The following KMT2E variants were observed in gnomAD, a reference collection of about 807,000 sequenced individuals.
KMT2E encodes histone reader KMT2E.
A neutral mutation model predicts 184.6 loss-of-function variants in KMT2E; 30 were observed. The ratio of observed to expected loss-of-function variants is 0.16; its 90% CI spans 0.12 to 0.22. The LOEUF (loss-of-function observed/expected upper bound fraction) is 0.22, where lower values mean the gene tolerates loss of function less well. KMT2E is among the 10% of genes least tolerant of loss of function. KMT2E has a pLI of 1.00. For synonymous variants in KMT2E, 815 were observed against 776.5 expected (o/e 1.05, Z -0.82); for missense variants, 2,023 against 2,237.4 (o/e 0.90, Z 1.93).
chr7:105,109,799 G>A (rs1195913356), intron 23 of KMT2E, among the ~76,000 whole-genome samples: 5 of 151,526 alleles, frequency 3.3e-5, no homozygotes, highest in South Asian at 2.1e-4. Context: ...TTCAAATAAG[G>A]ATAATAATCT....
At chr7:105,071,857 G>A (rs1297665914) in intron 6 of KMT2E, among the ~76,000 whole-genome samples, 1 of 151,662 alleles carries the variant, frequency 6.6e-6, no homozygotes, top group Non-Finnish European at 1.5e-5. Flanking sequence ...GTTTAATTAG[G>A]TGAGAAATGG....
At chr7:105,022,646 A>C (rs1391720212) in intron 1 of KMT2E, among the ~76,000 whole-genome samples, 1 of 152,172 alleles carries the variant, frequency 6.6e-6, no homozygotes, top group Non-Finnish European at 1.5e-5. Flanking sequence ...TTTCCTCTTC[A>C]AGATGTAGCG....
At chr7:105,037,090 TTTAA>T (rs1192832246) in intron 1 of KMT2E, among the ~76,000 whole-genome samples, 2 of 152,230 alleles carry the variant, frequency 1.3e-5, no homozygotes, top group African/African-American at 2.4e-5. Context: ...TTCAAGTTTC[TTTAA>T]TTATTTCCAT....
intron 4 of KMT2E, 58 bp downstream of exon 4, chr7:105,062,336 T>C: frequency 1.8e-6 from 2 of 1,120,450 alleles, no homozygotes; most frequent in Non-Finnish European, 2.7e-6. Flanking sequence ...TGAAAGTAGA[T>C]GCATGTGATA....
chr7:105,032,312 C>T (rs1302782161), intron 1 of KMT2E, among the ~76,000 whole-genome samples: 3 of 152,076 alleles, frequency 2.0e-5, no homozygotes, highest in South Asian at 2.1e-4. Context: ...GGCATGGTGG[C>T]AGACACCTGT....
In KMT2E at chr7:105,062,201, A is replaced by G; in HGVS notation, c.109A>G (p.Lys37Glu). Reference protein sequence around the residue: ...SVEASPVVVEKSNSYPHQLYT... With the variant: ...SVEASPVVVEESNSYPHQLYT... ...AGAAGCTAGCCCTGTGGTAGTTGAG[A>G]AATCCAACAGTTATCCCCACCAGTT... is the stretch of plus-strand genomic sequence containing the variant. Residue 37 changes from lysine (K) to glutamate (E), a missense_variant, in exon 4 of 27, where the codon AAA becomes GAA. By Grantham distance (56) the Lys-to-Glu change is moderately conservative. This residue lies in a region of KMT2E where 63 missense variants were observed against 68.9 expected (regional missense o/e 0.91). Coordinates refer to ENST00000311117, the MANE Select transcript of KMT2E (RefSeq NM_182931.3). 2 of 1,613,652 alleles carry G rather than the reference A, an allele frequency of 1.2e-6. No homozygotes were observed. Among genetic ancestry groups the G allele is most frequent in the Non-Finnish European group, 1.7e-6 (2 of 1,179,686 alleles).
chr7:105,035,151 A>G (rs1254213074), intron 1 of KMT2E, among the ~76,000 whole-genome samples: 1 of 151,128 alleles, frequency 6.6e-6, no homozygotes, highest in Non-Finnish European at 1.5e-5. Flanking sequence ...CAGCCTCCCA[A>G]GTAGCTGGGA....
chr7:105,106,351 AG>A (rs532492153), intron 19 of KMT2E, among the ~76,000 whole-genome samples, 170 bp from the exon 20 acceptor site: 16 of 152,288 alleles, frequency 1.1e-4, no homozygotes, highest in Non-Finnish European at 2.1e-4. Context: ...GGGGAGGGAA[AG>A]GGGGCACTGC....
intron 2 of KMT2E, chr7:105,039,126 T>C (rs1256984328): frequency 1.3e-5 from 2 of 152,248 alleles, no homozygotes; most frequent in African/African-American, 4.8e-5. Flanking sequence ...TCTCAAGTTC[T>C]CTAATGCATT....
At chr7:105,098,662 AAGTGCTG>A (rs1169860248) in intron 15 of KMT2E, among the ~76,000 whole-genome samples, 1 of 152,002 alleles carries the variant, frequency 6.6e-6, no homozygotes. Context: ...CGGCCTCCCA[AAGTGCTG>A]GGATTACAGG....
intron 1 of KMT2E, among the ~76,000 whole-genome samples, chr7:105,023,497 T>G (rs192807233): frequency 7.0e-6 from 1 of 143,280 alleles, no homozygotes; most frequent in African/African-American, 2.7e-5. Flanking sequence ...CAGGCTGGAG[T>G]GCAGTGGTGT....
chr7:105,092,686 G>A (rs1330973199), intron 15 of KMT2E, among the ~76,000 whole-genome samples: 2 of 152,154 alleles, frequency 1.3e-5, no homozygotes, highest in African/African-American at 4.8e-5. Context: ...AGTTATGTGT[G>A]CCTTTTCAAG....
chr7:105,050,942 G>C (rs1459273553), intron 3 of KMT2E, among the ~76,000 whole-genome samples: 2 of 151,404 alleles, frequency 1.3e-5, no homozygotes, highest in African/African-American at 4.9e-5. Context: ...GGCCAGGCTG[G>C]TCTCAAACTC....
intron 1 of KMT2E, among the ~76,000 whole-genome samples, chr7:105,037,360 C>T (rs560965165): frequency 6.6e-6 from 1 of 151,060 alleles, no homozygotes; most frequent in African/African-American, 2.4e-5. Context: ...TTTTTGTTTT[C>T]TTTTTTTTGT....
intron 12 of KMT2E, among the ~76,000 whole-genome samples, chr7:105,081,423 T>TTTATTATTATTATTATTA (rs34070011): frequency 1.4e-5 from 2 of 147,782 alleles, no homozygotes; most frequent in South Asian, 4.2e-4. Flanking sequence ...ATATAGTATT[T>TTTATTATTATTATTATTA]TTATTATTAT....
chr7:105,033,155 A>G (rs1372622948), intron 1 of KMT2E, among the ~76,000 whole-genome samples: 1 of 152,234 alleles, frequency 6.6e-6, no homozygotes, highest in Non-Finnish European at 1.5e-5. Flanking sequence ...TCAAGTGGAC[A>G]CTAACAATTA....
intron 17 of KMT2E, chr7:105,103,411 A>C (rs550953073): frequency 6.6e-6 from 1 of 152,310 alleles, no homozygotes; most frequent in East Asian, 1.9e-4. Context: ...AATACATGTC[A>C]CTTTTTCTGT....
chr7:105,025,645 G>T (rs1795146787), intron 1 of KMT2E, among the ~76,000 whole-genome samples: 1 of 152,120 alleles, frequency 6.6e-6, no homozygotes, highest in South Asian at 2.1e-4. Context: ...AATGCTCATG[G>T]AAGTTATAGG....
At chr7:105,067,190 C>G (rs764820646) in intron 6 of KMT2E, among the ~76,000 whole-genome samples, 27 of 151,258 alleles carry the variant, frequency 1.8e-4, no homozygotes, top group Non-Finnish European at 3.5e-4. Flanking sequence ...ATTCTGACAA[C>G]TCTAAAATCA....
Sources: gnomAD v4.1 joint callset for allele counts (sites outside exome capture counted in the v4.1 genomes callset) on GRCh38, gnomAD v4.1.1 for gene constraint, gnomAD v4.1.1 regional missense constraint, MANE v1.5 for transcripts, NCBI Gene and HGNC (gene_info 2026-07-23, HGNC 2026-07-21) for gene names.